TUB: variants seen among roughly 807,000 people sequenced by gnomAD.
The protein encoded by TUB is TUB bipartite transcription factor.
TUB carries 33 observed loss-of-function variants against 59.7 expected under a neutral mutation model. The observed-to-expected ratio is 0.55, with a 90% CI of 0.42 to 0.74. TUB has a LOEUF of 0.74. Ranked by LOEUF, TUB falls within the 30% of genes least tolerant of loss-of-function variation. The probability of loss-of-function intolerance (pLI) is 0.00; values close to 1 mark genes in which losing one functional copy is unlikely to be tolerated. For missense variants in TUB, 659 were observed against 672.0 expected (o/e 0.98, Z 0.21); for synonymous variants, 293 against 256.4 (o/e 1.14, Z -1.36).
At chr11:8,084,029 A>G (rs1020351864) in intron 1 of TUB, among the ~76,000 whole-genome samples, 2 of 152,164 alleles carry the variant, frequency 1.3e-5, no homozygotes, top group Non-Finnish European at 2.9e-5. Context: ...AAAGCATTTT[A>G]CTTGCAGATG....
chr11:8,049,506 C>CTTA (rs1444867783), intron 2 of TUB, among the ~76,000 whole-genome samples: 1 of 150,836 alleles, frequency 6.6e-6, no homozygotes, highest in Non-Finnish European at 1.5e-5. Flanking sequence ...GAAGTAGTGG[C>CTTA]TTATTGCCCA....
intron 2 of TUB, among the ~76,000 whole-genome samples, chr11:8,053,494 A>C (rs1942965163): frequency 6.6e-6 from 1 of 151,514 alleles, no homozygotes; most frequent in East Asian, 2.0e-4. Context: ...ATTTATCTTT[A>C]TTTATTAATT....
chr11:8,070,304 T>C (rs1037120664), intron 2 of TUB, among the ~76,000 whole-genome samples: 8 of 152,094 alleles, frequency 5.3e-5, no homozygotes, highest in African/African-American at 1.9e-4. Flanking sequence ...TAAATCTCAG[T>C]TGCATTTTAT....
intron 2 of TUB, among the ~76,000 whole-genome samples, chr11:8,054,154 A>T (rs1405986209): frequency 6.6e-6 from 1 of 152,154 alleles, no homozygotes; most frequent in Non-Finnish European, 1.5e-5. Context: ...CCCAAAATTC[A>T]TCTTGGTCTG....
chr11:8,101,232 AC>A (rs1944287270), intron 11 of TUB, among the ~76,000 whole-genome samples: 1 of 152,050 alleles, frequency 6.6e-6, no homozygotes, highest in Non-Finnish European at 1.5e-5. Flanking sequence ...GCACGGGAAC[AC>A]CCTTTAAAAG....
chr11:8,100,298 A>G (rs1251617430), intron 9 of TUB, among the ~76,000 whole-genome samples: 2 of 152,158 alleles, frequency 1.3e-5, no homozygotes, highest in Non-Finnish European at 2.9e-5. Flanking sequence ...GAGCAGAAGC[A>G]AGGATGACGC....
At chr11:8,083,416 A>G (rs1943608190) in intron 1 of TUB, among the ~76,000 whole-genome samples, 1 of 152,192 alleles carries the variant, frequency 6.6e-6, no homozygotes, top group South Asian at 2.1e-4. Flanking sequence ...CCACTTGTAG[A>G]GAGTGTGCAG....
rs73398907 is a variant in TUB, at chr11:8,081,687, C to T, written c.38+139C>T. 7,809 of 958,194 alleles carry T rather than the reference C, an allele frequency of 8.1e-3. 424 individuals carry two copies. In the African/African-American group the frequency reaches 0.12, roughly 15 times the overall value. 59.4% of individuals were successfully genotyped at this position (958,194 alleles called of 1,614,324 possible). ...GGGGCGCGGGTTGGAGTCGCTGGTC[C>T]TTCCTCCCTCAACTTTGAGGGCCCC... On this transcript the variant is annotated intron_variant, in intron 1 of 11. Transcript: ENST00000299506.
intron 2 of TUB, among the ~76,000 whole-genome samples, chr11:8,059,819 G>A (rs555113687): frequency 3.3e-5 from 5 of 152,282 alleles, no homozygotes; most frequent in Non-Finnish European, 5.9e-5. Context: ...GCTCGGGTTG[G>A]CTTTTAAAAG....
intron 11 of TUB, 31 bp from the exon 12 acceptor site, chr11:8,101,455 T>C (rs756260822): frequency 3.1e-6 from 5 of 1,606,384 alleles, no homozygotes; most frequent in African/African-American, 1.4e-5. Flanking sequence ...GTCCTGTCCT[T>C]TTCTCTGTCT....
intron 3 of TUB, 119 bp downstream of exon 3, chr11:8,090,350 C>A: frequency 7.3e-7 from 1 of 1,363,348 alleles, no homozygotes; most frequent in Non-Finnish European, 9.9e-7. Context: ...GTATGGCTTC[C>A]AGCCCAGGCA....
chr11:8,045,057 C>A (rs1564901010), intron 2 of TUB, among the ~76,000 whole-genome samples: 3 of 152,034 alleles, frequency 2.0e-5, no homozygotes, highest in Admixed American at 1.3e-4. Flanking sequence ...AAATCATTGA[C>A]CATTGGTGAG....
chr11:8,102,888 C>T lies in TUB; in HGVS notation c.*1269C>T, dbSNP rs1462821340. The T allele has an allele frequency of 5.8e-5, 8 of 138,986 alleles. No individual in the cohort carries two copies. The highest frequency in any genetic ancestry group is 1.1e-4 in the African/African-American group (4 of 36,978). The allele number at this position is 138,986 out of a possible 1,614,324, so 8.6% of individuals were successfully genotyped here. A position where few individuals can be genotyped will look rare whatever the true frequency, so the allele number is the denominator to read the frequency against. On this transcript the variant is annotated 3_prime_UTR_variant, in exon 12 of 12. Transcript: ENST00000299506. The stretch of plus-strand genomic sequence containing the variant: ...TGATTTCTTTGTTCCCACTGTCCCC[C>T]AAGAAACTAGTATCTCTGGCCTCCT...
chr11:8,033,630 C>T (rs1333159926), intron 1 of TUB, among the ~76,000 whole-genome samples: 1 of 152,216 alleles, frequency 6.6e-6, no homozygotes, highest in Non-Finnish European at 1.5e-5. Context: ...AGAGCGGGAC[C>T]GTCTTATTCT....
chr11:8,069,194 G>C (rs1324332350), intron 2 of TUB: 1 of 152,170 alleles, frequency 6.6e-6, no homozygotes, highest in African/African-American at 2.4e-5. Flanking sequence ...TTTCTGCTTT[G>C]CTGAACCATT....
chr11:8,066,239 C>T lies in TUB; in HGVS notation c.204-23371C>T, dbSNP rs551224341. Among the ~76,000 whole-genome samples, 70 of 152,286 alleles carry T rather than the reference C, an allele frequency of 4.6e-4. 1 individual carries two copies. Among genetic ancestry groups the T allele is most frequent in the South Asian group, 6.2e-4 (3 of 4,820 alleles). On this transcript the variant is annotated intron_variant, in intron 2 of 12. Transcript: ENST00000305253. Reference sequence around the variant, plus strand: ...CCAACAGGTCTGCTCAGACGCTGGACATGAGGTTCCACTTGGCACACAGCA... The same window carrying T: ...CCAACAGGTCTGCTCAGACGCTGGATATGAGGTTCCACTTGGCACACAGCA...
chr11:8,097,832 A>G lies in TUB; in HGVS notation c.998+6A>G. 1 of 1,609,922 alleles carries G rather than the reference A, an allele frequency of 6.2e-7. No individual in the cohort carries two copies. Among genetic ancestry groups the G allele is most frequent in the Non-Finnish European group, 8.5e-7 (1 of 1,176,612 alleles). On this transcript the variant is annotated splice_donor_region_variant and intron_variant, in intron 8 of 11. Coordinates refer to ENST00000299506, the MANE Select transcript of TUB (RefSeq NM_177972.3). ...AGCTATATCGGGAAACTGCGGTACT[A>G]GCATTCCCCCAGGAAGCAGGCGGGA...
chr11:8,076,900 CA>C (rs1426781843), upstream of TUB: 10 of 152,282 alleles, frequency 6.6e-5, no homozygotes, highest in African/African-American at 2.4e-4. Context: ...GGTTGACCTA[CA>C]TTTTTTTTCA....
At chr11:8,096,979 G>C (rs1944023558) in intron 6 of TUB, among the ~76,000 whole-genome samples, 173 bp downstream of exon 6, 1 of 152,092 alleles carries the variant, frequency 6.6e-6, no homozygotes, top group Non-Finnish European at 1.5e-5. Flanking sequence ...GGTGATGTAT[G>C]GGGGGAGATG....
Sources: allele counts gnomAD v4.1 joint callset (sites outside exome capture counted in the v4.1 genomes callset), GRCh38; gene constraint gnomAD v4.1.1; transcripts MANE v1.5; gene names NCBI Gene and HGNC (gene_info 2026-07-23, HGNC 2026-07-21).